Variants in INPP5D observed in about 807,000 individuals in gnomAD.
INPP5D encodes the protein phosphatidylinositol 3,4,5-trisphosphate 5-phosphatase 1.
INPP5D carries 33 observed loss-of-function variants against 122.9 expected under a neutral mutation model. That is an observed-to-expected ratio of 0.27 (90% CI 0.20 to 0.36). The LOEUF (loss-of-function observed/expected upper bound fraction) is 0.36. INPP5D is among the 10% of genes least tolerant of loss of function. INPP5D has a pLI of 1.00. For synonymous variants in INPP5D, 584 were observed against 576.2 expected, an observed-to-expected ratio of 1.01 and a Z score of -0.19; for missense variants, 1,053 against 1,412.7, an observed-to-expected ratio of 0.75 and a Z score of 4.08.
chr2:233,079,280 AGAGGAAACC>A, intron 1 of INPP5D, 46 bp from the exon 2 acceptor site: 2 of 1,107,104 alleles, frequency 1.8e-6, no homozygotes, highest in Non-Finnish European at 2.8e-6. Flanking sequence ...TTTTCAGTTA[AGAGGAAACC>A]GGGTCTTCCT....
Position 233,102,869 on chromosome 2 carries a change from C to CAAAAAAAAAA in INPP5D, c.199-19232_199-19231insAAAAAAAAAA, listed in dbSNP as rs1041744645. Among the ~76,000 whole-genome samples, 26 of 145,986 alleles carry CAAAAAAAAAA rather than the reference C, an allele frequency of 1.8e-4. 1 individual carries two copies. The highest frequency in any genetic ancestry group is 5.4e-4 in the African/African-American group (21 of 38,804). On this transcript the variant is annotated intron_variant, in intron 2 of 26. Transcript: ENST00000445964. ...CGTCTCAAAAAAAAAAAAAAACAAC[C>CAAAAAAAAAA]AAAAAACCACAGCGCCTTCTCACTA...
intron 19 of INPP5D, 147 bp downstream of exon 19, chr2:233,182,646 C>A: frequency 7.7e-7 from 1 of 1,294,204 alleles, no homozygotes; most frequent in Admixed American, 2.3e-5. Flanking sequence ...TTCTTCATGT[C>A]CCAGCCACAG....
chr2:233,198,050 G>A, intron 24 of INPP5D, 45 bp from the exon 25 acceptor site: 3 of 1,504,432 alleles, frequency 2.0e-6, no homozygotes, highest in Non-Finnish European at 2.7e-6. Context: ...CTGACCCCGA[G>A]AAGGGAAGGG....
Position 233,204,478 on chromosome 2 carries a change from G to A in INPP5D, c.3328G>A (p.Val1110Ile). The change falls in exon 26 of 27, where the codon GTC becomes ATC. Residue 1110 changes from valine to isoleucine, a missense_variant. Physicochemically the swap from Val to Ile is conservative, Grantham distance 29. This residue lies in a region of INPP5D where 417 missense variants were observed against 425.8 expected (regional missense o/e 0.98). Coordinates refer to ENST00000445964, the MANE Select transcript of INPP5D (RefSeq NM_001017915.3). ...GAGCCAAGGGAAGCCCAAGACCCCG[G>A]TCAGCTCCCAGGCCCCGGTGCCGGC... ...DKSQGKPKTP[V>I]SSQAPVPAKR... 6.3e-7 allele frequency: 1 copy of A among 1,587,818 alleles called. No homozygotes were observed. The highest frequency in any genetic ancestry group is 2.3e-5 in the East Asian group (1 of 43,352).
chr2:233,170,363 T>A lies in INPP5D; in HGVS notation c.1792-133T>A, dbSNP rs1694461698. On this transcript the variant is annotated intron_variant, in intron 15 of 26. Transcript: ENST00000445964. The surrounding 1 kb of genome is among the most constrained non-coding windows in gnomAD (Gnocchi z 4.5). ...CCCCTGTGCTCACACCCGGTTCCCA[T>A]AACTGTCACAGCCACCCTGCCACCA... 6.7e-7 allele frequency: 1 copy of A among 1,498,528 alleles called. No homozygotes were observed. Among genetic ancestry groups the A allele is most frequent in the Non-Finnish European group, 9.0e-7 (1 of 1,114,668 alleles). The allele number at this position is 1,498,528 out of a possible 1,614,324, so 92.8% of individuals were successfully genotyped here.
chr2:233,144,148 A>G (rs1175121980), intron 6 of INPP5D, among the ~76,000 whole-genome samples: 4 of 136,908 alleles, frequency 2.9e-5, no homozygotes, highest in Non-Finnish European at 4.7e-5. Context: ...TGGGTCTGGT[A>G]GGGGTAGAGA....
In INPP5D at chr2:233,147,530, T is replaced by C. The variant is rs1207929831; in HGVS notation, c.966T>C (p.Ser322=). The C allele has an allele frequency of 4.3e-6, 3 of 704,286 alleles. No individual in the cohort carries two copies. The highest frequency in any genetic ancestry group is 7.8e-6 in the Non-Finnish European group (3 of 385,004). 43.6% of individuals were successfully genotyped at this position (704,286 alleles called of 1,614,324 possible). ...QKMQLKVDVE[S]GKLIIKKSKD... ...TGCAGCTCAAAGTCGACGTTGAGTC[T>C]GGGAAACTGATCATTAAGAAGTCCA... The change falls in exon 9 of 27, where the codon TCT becomes TCC. Residue 322 remains serine (S), a synonymous_variant. Coordinates refer to ENST00000445964, the MANE Select transcript of INPP5D (RefSeq NM_001017915.3).
At position 233,100,212 on chromosome 2, in the gene INPP5D, C is replaced by T. The variant is rs1692271709; in HGVS notation, c.198+20814C>T. On this transcript the variant is annotated intron_variant, in intron 2 of 26. Coordinates refer to ENST00000445964, the MANE Select transcript of INPP5D (RefSeq NM_001017915.3). This position sits in a 1 kb window ranked among gnomAD's most constrained non-coding sequence, Gnocchi z 5.3. Reference sequence around the variant, plus strand: ...ATCCCCACCTCGCCCTGTCGCCTCACTCGCAGCCTGTTCCACTCATTTACA... The same window carrying T: ...ATCCCCACCTCGCCCTGTCGCCTCATTCGCAGCCTGTTCCACTCATTTACA... 1.3e-5 allele frequency among the ~76,000 whole-genome samples: 2 copies of T among 152,222 alleles called. No individual in the cohort carries two copies. The highest frequency in any genetic ancestry group is 4.8e-5 in the African/African-American group (2 of 41,456).
In INPP5D at chr2:233,128,808, T is replaced by C. The variant is rs916197762; in HGVS notation, c.525-1700T>C. 6.6e-6 allele frequency among the ~76,000 whole-genome samples: 1 copy of C among 152,206 alleles called. No individual in the cohort carries two copies. The highest frequency in any genetic ancestry group is 1.5e-5 in the Non-Finnish European group (1 of 68,032). On this transcript the variant is annotated intron_variant, in intron 4 of 26. Coordinates refer to ENST00000445964, the MANE Select transcript of INPP5D (RefSeq NM_001017915.3). The surrounding 1 kb of genome is among the most constrained non-coding windows in gnomAD (Gnocchi z 4.5). ...TGTCCAATCTTAAGAGCAACGGCTT[T>C]TCATTCTTTCACAGATTCCACAGGA...
rs999867503 is a variant in INPP5D, at chr2:233,078,095, C to T, written c.135-1240C>T. Reference sequence around the variant, plus strand: ...ATTATGGTGGGTGAGAACAGACCAGCAGCTTTAAGTAAGAGCCTAAGATCC... The same window carrying T: ...ATTATGGTGGGTGAGAACAGACCAGTAGCTTTAAGTAAGAGCCTAAGATCC... On this transcript the variant is annotated intron_variant, in intron 1 of 26. Transcript: ENST00000445964. This position sits in a 1 kb window ranked among gnomAD's most constrained non-coding sequence, Gnocchi z 4.6. Among the ~76,000 whole-genome samples the T allele has an allele frequency of 6.6e-6, 1 of 152,140 alleles. No individual in the cohort carries two copies. Among genetic ancestry groups the T allele is most frequent in the South Asian group, 2.1e-4 (1 of 4,832 alleles).
Position 233,160,232 on chromosome 2 carries a change from G to A in INPP5D, c.1138-1492G>A, listed in dbSNP as rs1694167263. ...TAAGGTTGAATCATGTAAAATTTCT[G>A]TCTTTGCAGGTTGAAACAGTCAAAC... On this transcript the variant is annotated intron_variant, in intron 10 of 26. Coordinates refer to ENST00000445964, the MANE Select transcript of INPP5D (RefSeq NM_001017915.3). This position sits in a 1 kb window ranked among gnomAD's most constrained non-coding sequence, Gnocchi z 4.2. Among the ~76,000 whole-genome samples the A allele has an allele frequency of 6.6e-6, 1 of 152,184 alleles. No individual in the cohort carries two copies. The highest frequency in any genetic ancestry group is 1.5e-5 in the Non-Finnish European group (1 of 68,034).
intron 9 of INPP5D, among the ~76,000 whole-genome samples, chr2:233,147,936 T>C (rs1030772325): frequency 1.3e-5 from 2 of 152,260 alleles, no homozygotes; most frequent in African/African-American, 2.4e-5. Flanking sequence ...TTAGCAGCTG[T>C]GTGACCTGGG....
intron 9 of INPP5D, among the ~76,000 whole-genome samples, chr2:233,157,191 G>T (rs180929486): frequency 1.4e-4 from 21 of 152,280 alleles, no homozygotes; most frequent in African/African-American, 4.3e-4. Context: ...CAAAATGAGG[G>T]TGTAAACCAA....
Position 233,164,043 on chromosome 2 carries a change from C to T in INPP5D, c.1437+140C>T, listed in dbSNP as rs1694261387. On this transcript the variant is annotated intron_variant, in intron 12 of 26. Coordinates refer to ENST00000445964, the MANE Select transcript of INPP5D (RefSeq NM_001017915.3). The surrounding 1 kb of genome is among the most constrained non-coding windows in gnomAD (Gnocchi z 4.3). ...TGGAGGCCCCCACTGAGAGATGCGT[C>T]TGTATTCAGAAATAAATGGGATCTG... is the stretch of plus-strand genomic sequence containing the variant. The T allele has an allele frequency of 7.0e-7, 1 of 1,423,660 alleles. No individual in the cohort carries two copies. Among genetic ancestry groups the T allele is most frequent in the Non-Finnish European group, 9.3e-7 (1 of 1,080,798 alleles). The allele number at this position is 1,423,660 out of a possible 1,614,324, so 88.2% of individuals were successfully genotyped here.
At chr2:233,174,318 G>A (rs922709141) in intron 17 of INPP5D, among the ~76,000 whole-genome samples, 13 of 152,254 alleles carry the variant, frequency 8.5e-5, no homozygotes, top group African/African-American at 3.1e-4. Context: ...TGTGAGTAAT[G>A]TGTTGCGCTG....
chr2:233,182,527 T>C (rs1269972828), intron 19 of INPP5D, 28 bp downstream of exon 19: 1 of 1,610,816 alleles, frequency 6.2e-7, no homozygotes, highest in Non-Finnish European at 8.5e-7. Flanking sequence ...TCTGTTTCTC[T>C]GTTTTCCTCA....
At chr2:233,116,149 A>G (rs531394943) in intron 2 of INPP5D, among the ~76,000 whole-genome samples, 47 of 151,988 alleles carry the variant, frequency 3.1e-4, no homozygotes, top group African/African-American at 1.1e-3. Flanking sequence ...ATTCATGCCC[A>G]TTCTGCTGAT....
intron 6 of INPP5D, chr2:233,145,134 T>C: frequency 2.3e-6 from 1 of 437,106 alleles, no homozygotes; most frequent in Non-Finnish European, 4.6e-6. Context: ...TTATTAACTC[T>C]ACATTTCCAC....
chr2:233,134,700 A>G (rs1693419867), intron 5 of INPP5D, among the ~76,000 whole-genome samples: 1 of 152,234 alleles, frequency 6.6e-6, no homozygotes, highest in South Asian at 2.1e-4. Flanking sequence ...TAACTCCTGA[A>G]ATGGAGACAC....
Sources: allele counts gnomAD v4.1 joint callset (sites outside exome capture counted in the v4.1 genomes callset), GRCh38; gene constraint gnomAD v4.1.1; regional missense constraint gnomAD v4.1.1; non-coding constraint Gnocchi (gnomAD v3.1); transcripts MANE v1.5; gene names NCBI Gene and HGNC (gene_info 2026-07-23, HGNC 2026-07-21).